ROCK1: variants seen among roughly 807,000 people sequenced by gnomAD.
ROCK1 encodes the protein Rho associated coiled-coil containing protein kinase 1.
ROCK1 carries 36 observed loss-of-function variants against 196.8 expected under a neutral mutation model. The observed-to-expected ratio is 0.18, with a 90% confidence interval of 0.14 to 0.24. The LOEUF is 0.24. Among genes scored for constraint, ROCK1 ranks in the 10% least tolerant of loss-of-function variants. The pLI is 1.00. For missense variants in ROCK1, 920 were observed against 1,562.0 expected (o/e 0.59, Z 6.93); for synonymous variants, 443 against 515.9 (o/e 0.86, Z 1.91).
intron 2 of ROCK1, among the ~76,000 whole-genome samples, chr18:21,064,771 T>C (rs2036320010): frequency 6.6e-6 from 1 of 152,236 alleles, no homozygotes; most frequent in Non-Finnish European, 1.5e-5. Flanking sequence ...AACTTTATAA[T>C]CTCAGCTGAG....
At position 20,947,441 on chromosome 18, in the gene ROCK1, T is replaced by C. The variant is rs1371729700; in HGVS notation, c.*3943A>G. On this transcript the variant is annotated 3_prime_UTR_variant, in exon 33 of 33. Transcript: ENST00000399799. ...AGCATAAAAGATTTGGCAGTAAATA[T>C]ATCTAGGCCATTGAGCATGGCTTTA... 6.6e-6 allele frequency: 1 copy of C among 152,130 alleles called. No homozygotes were observed. Among genetic ancestry groups the C allele is most frequent in the Non-Finnish European group, 1.5e-5 (1 of 68,036 alleles). 9.4% of individuals were successfully genotyped at this position (152,130 alleles called of 1,614,324 possible). A position where few individuals can be genotyped will look rare whatever the true frequency, so the allele number is the denominator to read the frequency against.
At chr18:21,092,617 C>G (rs934984202) in intron 1 of ROCK1, among the ~76,000 whole-genome samples, 1 of 140,246 alleles carries the variant, frequency 7.1e-6, no homozygotes, top group Non-Finnish European at 1.5e-5. Flanking sequence ...AACACAACTT[C>G]TTTTTAGCAA....
At chr18:20,964,755 A>AAGAAAC (rs2035357179) in intron 27 of ROCK1, among the ~76,000 whole-genome samples, 1 of 152,188 alleles carries the variant, frequency 6.6e-6, no homozygotes, top group Admixed American at 6.5e-5. Context: ...AACATTTAAA[A>AAGAAAC]ATCTCTTTGC....
chr18:21,006,606 A>C lies in ROCK1; in HGVS notation c.1639-9T>G. The C allele has an allele frequency of 6.2e-7, 1 of 1,605,420 alleles. No homozygotes were observed. The highest frequency in any genetic ancestry group is 8.5e-7 in the Non-Finnish European group (1 of 1,177,616). On this transcript the variant is annotated splice_polypyrimidine_tract_variant and intron_variant, in intron 15 of 32. Coordinates refer to ENST00000399799, the MANE Select transcript of ROCK1 (RefSeq NM_005406.3). ...TCATTGGCTTCTTCTAGCTATTTAA[A>C]AAGAAAGCAAAAAAATAGGTTTCTG...
intron 16 of ROCK1, among the ~76,000 whole-genome samples, chr18:20,996,215 A>C (rs1350574281): frequency 6.6e-6 from 1 of 152,204 alleles, no homozygotes; most frequent in East Asian, 1.9e-4. Context: ...TTTAACAAAA[A>C]GACTGAAATA....
intron 22 of ROCK1, among the ~76,000 whole-genome samples, chr18:20,973,797 C>CTTT (rs766676820): frequency 1.4e-5 from 2 of 139,064 alleles, no homozygotes; most frequent in Admixed American, 7.2e-5. Flanking sequence ...ATATTTGGCA[C>CTTT]TTTTTTTTTT....
intron 1 of ROCK1, among the ~76,000 whole-genome samples, chr18:21,085,661 T>C: frequency 6.6e-6 from 1 of 152,212 alleles, no homozygotes. Flanking sequence ...AGTTAAGACA[T>C]TAACCTTGTA....
chr18:20,956,491 A>C (rs2035243520), intron 29 of ROCK1, among the ~76,000 whole-genome samples: 1 of 152,240 alleles, frequency 6.6e-6, no homozygotes, highest in Admixed American at 6.5e-5. Context: ...TGTGTAGAAA[A>C]GCTCTGTGGA....
intron 1 of ROCK1, among the ~76,000 whole-genome samples, chr18:21,071,480 C>T (rs1376480037): frequency 6.6e-6 from 1 of 152,054 alleles, no homozygotes; most frequent in African/African-American, 2.4e-5. Flanking sequence ...CCTGGCCGAA[C>T]TTTTGCTTTT....
Position 20,969,260 on chromosome 18 carries a change from T to C in ROCK1, c.2821-52A>G, listed in dbSNP as rs1198433606. ...CTCCAGCCTCTTTGCTATTCTCGTA[T>C]TTCAGGCAGTAACCTTTAAATATAC... On this transcript the variant is annotated intron_variant, in intron 23 of 32. Transcript: ENST00000399799. The C allele has an allele frequency of 5.5e-6, 6 of 1,089,080 alleles. No individual in the cohort carries two copies. The African/African-American group carries it at 9.3e-5, about 17-fold the overall frequency. The allele number at this position is 1,089,080 out of a possible 1,614,324, so 67.5% of individuals were successfully genotyped here. A position where few individuals can be genotyped will look rare whatever the true frequency, so the allele number is the denominator to read the frequency against.
chr18:21,079,516 C>A (rs2036464624), intron 1 of ROCK1, among the ~76,000 whole-genome samples: 1 of 152,170 alleles, frequency 6.6e-6, no homozygotes, highest in Non-Finnish European at 1.5e-5. Flanking sequence ...GGAACTTGAA[C>A]CCTTATGGCA....
chr18:21,066,300 T>G (rs576689632), intron 2 of ROCK1, among the ~76,000 whole-genome samples: 1 of 152,266 alleles, frequency 6.6e-6, no homozygotes, highest in African/African-American at 2.4e-5. Context: ...TTTTTGTTCA[T>G]GTCTTTAAAT....
At chr18:20,974,191 C>T (rs370137294) in intron 22 of ROCK1, among the ~76,000 whole-genome samples, 2 of 152,158 alleles carry the variant, frequency 1.3e-5, no homozygotes, top group East Asian at 3.8e-4. Context: ...TAGATGTTCT[C>T]TTCTGATTTT....
intron 13 of ROCK1, 104 bp from the exon 14 acceptor site, chr18:21,008,298 C>A (rs1450865106): frequency 3.8e-6 from 3 of 799,682 alleles, no homozygotes; most frequent in African/African-American, 1.8e-5. Context: ...AAAAAAAAGA[C>A]AAACACTTAA....
rs142565033 is a variant in ROCK1 at position 21,064,323 on chromosome 18, C to A, written c.175+6209G>T. ...GTCCTTCCTCCATTGAAAAATCTAG[C>A]CCATGTTTTAAGACTCAAATATTAC... On this transcript the variant is annotated intron_variant, in intron 2 of 32. Coordinates refer to ENST00000399799, the MANE Select transcript of ROCK1 (RefSeq NM_005406.3). Among the ~76,000 whole-genome samples the A allele has an allele frequency of 2.6e-5, 4 of 152,190 alleles. No homozygotes were observed. The East Asian group carries it at 7.7e-4, about 29-fold the overall frequency.
chr18:21,100,542 C>T (rs2036650289), intron 1 of ROCK1, among the ~76,000 whole-genome samples: 1 of 149,850 alleles, frequency 6.7e-6, no homozygotes, highest in African/African-American at 2.5e-5. Context: ...ACTGAAAACA[C>T]ACCAAAAATA....
At chr18:21,062,822 C>T (rs1318928317) in intron 2 of ROCK1, among the ~76,000 whole-genome samples, 1 of 152,138 alleles carries the variant, frequency 6.6e-6, no homozygotes, top group Non-Finnish European at 1.5e-5. Flanking sequence ...ACCACCTGGA[C>T]TTTCTAGATC....
At chr18:21,038,878 G>A (rs1434775461) in intron 9 of ROCK1, among the ~76,000 whole-genome samples, 1 of 152,142 alleles carries the variant, frequency 6.6e-6, no homozygotes, top group African/African-American at 2.4e-5. Flanking sequence ...AGTTTTCTGT[G>A]AATCATCTTG....
At chr18:20,987,362 G>A (rs1441478772) in intron 18 of ROCK1, among the ~76,000 whole-genome samples, 2 of 152,180 alleles carry the variant, frequency 1.3e-5, no homozygotes, top group East Asian at 3.8e-4. Flanking sequence ...AGTGATGAGA[G>A]ATTAATCGGT....
Sources: allele counts gnomAD v4.1 joint callset (sites outside exome capture counted in the v4.1 genomes callset), GRCh38; gene constraint gnomAD v4.1.1; transcripts MANE v1.5; gene names NCBI Gene and HGNC (gene_info 2026-07-23, HGNC 2026-07-21).